NDST3: variants seen among roughly 807,000 people sequenced by gnomAD.
The protein encoded by NDST3 is N-deacetylase and N-sulfotransferase 3, also known as bifunctional heparan sulfate N-deacetylase/N-sulfotransferase 3.
In NDST3, 58 loss-of-function variants were observed where a neutral mutation model predicts 96.1. The observed-to-expected ratio is 0.60, with a 90% CI of 0.49 to 0.75. The LOEUF is 0.75. NDST3 is among the 30% of genes least tolerant of loss of function. The pLI is 0.00. For synonymous variants in NDST3, 333 were observed against 359.7 expected (o/e 0.93, Z 0.84); for missense variants, 788 against 1,034.2 (o/e 0.76, Z 3.27).
At chr4:118,170,745 A>T (rs926918333) in intron 6 of NDST3, among the ~76,000 whole-genome samples, 1 of 141,818 alleles carries the variant, frequency 7.1e-6, no homozygotes, top group Non-Finnish European at 1.5e-5. Flanking sequence ...AGAAACAAAG[A>T]AAAAATAAGT....
intron 4 of NDST3, among the ~76,000 whole-genome samples, chr4:118,123,218 T>A (rs180929602): frequency 1.5e-4 from 22 of 151,710 alleles, no homozygotes; most frequent in South Asian, 6.2e-4. Context: ...TACCAGAGAG[T>A]ATACGGTGGT....
intron 2 of NDST3, among the ~76,000 whole-genome samples, chr4:118,089,511 C>A (rs1223579605): frequency 2.0e-5 from 3 of 151,782 alleles, no homozygotes; most frequent in Admixed American, 2.0e-4. Flanking sequence ...AGTCATCTGA[C>A]CAATTATAAC....
intron 2 of NDST3, among the ~76,000 whole-genome samples, chr4:118,073,431 T>A (rs1192420875): frequency 6.6e-6 from 1 of 152,160 alleles, no homozygotes; most frequent in Admixed American, 6.5e-5. Flanking sequence ...GGTTTCAATT[T>A]CTTCCTGGTT....
chr4:118,089,411 C>G (rs777725672), intron 2 of NDST3, among the ~76,000 whole-genome samples: 7 of 151,832 alleles, frequency 4.6e-5, no homozygotes, highest in Non-Finnish European at 1.0e-4. Context: ...ACTAAAAGGT[C>G]ATTGATTTAC....
At chr4:118,070,417 G>C (rs1726960627) in intron 2 of NDST3, among the ~76,000 whole-genome samples, 1 of 152,016 alleles carries the variant, frequency 6.6e-6, no homozygotes, top group Non-Finnish European at 1.5e-5. Context: ...CTGACTTCTG[G>C]TGAGGCAGAG....
At chr4:118,119,985 T>G (rs1731423598) in intron 4 of NDST3, among the ~76,000 whole-genome samples, 1 of 152,098 alleles carries the variant, frequency 6.6e-6, no homozygotes, top group South Asian at 2.1e-4. Context: ...TAGAAGAGAC[T>G]AGAATCAGTA....
intron 6 of NDST3, among the ~76,000 whole-genome samples, chr4:118,173,220 G>C (rs1169196147): frequency 6.6e-6 from 1 of 151,938 alleles, no homozygotes; most frequent in Non-Finnish European, 1.5e-5. Context: ...AATTCTGTTA[G>C]ATGAGGAAAC....
intron 4 of NDST3, among the ~76,000 whole-genome samples, chr4:118,133,633 G>T (rs6851494): frequency 2.0e-5 from 3 of 152,034 alleles, no homozygotes; most frequent in Non-Finnish European, 4.4e-5. Flanking sequence ...AAATGGTATA[G>T]GGTTCTATTC....
At chr4:118,215,080 T>C (rs11947244) in intron 6 of NDST3, among the ~76,000 whole-genome samples, 22,833 of 152,020 alleles carry the variant, frequency 0.15, 1,840 homozygotes, top group South Asian at 0.2. Context: ...GAGATGGCTA[T>C]GGCACATTCA....
intron 6 of NDST3, among the ~76,000 whole-genome samples, chr4:118,145,695 T>C (rs900445220): frequency 6.6e-6 from 1 of 152,206 alleles, no homozygotes; most frequent in Non-Finnish European, 1.5e-5. Context: ...ATTTTATGTC[T>C]TGAGGAGGAG....
chr4:118,113,737 G>A (rs1730830829), intron 3 of NDST3, among the ~76,000 whole-genome samples: 1 of 152,056 alleles, frequency 6.6e-6, no homozygotes, highest in Admixed American at 6.6e-5. Flanking sequence ...TGAAAATATG[G>A]GAGGAGATTT....
intron 8 of NDST3, among the ~76,000 whole-genome samples, chr4:118,231,443 ATTAT>A (rs1174005710): frequency 6.6e-5 from 10 of 150,556 alleles, no homozygotes; most frequent in Non-Finnish European, 1.5e-4. Context: ...TTATACTACT[ATTAT>A]TTAATTAGTA....
rs77497865 is a variant in NDST3, at chr4:118,090,738, A to C, written c.982-14280A>C. Among the ~76,000 whole-genome samples, 723 of 152,008 alleles carry C rather than the reference A, an allele frequency of 4.8e-3. 7 individuals carry two copies. The highest frequency in any genetic ancestry group is 0.017 in the African/African-American group (693 of 41,540). On this transcript the variant is annotated intron_variant, in intron 2 of 13. Transcript: ENST00000296499. ...AGGAGCTATTTCTTCTTGGATATAT[A>C]TGTCACACATAAGCAATTTTCAAAT...
chr4:118,167,673 A>G (rs924906352), intron 6 of NDST3, among the ~76,000 whole-genome samples: 2 of 152,074 alleles, frequency 1.3e-5, no homozygotes, highest in Non-Finnish European at 2.9e-5. Context: ...TTACAAAGAT[A>G]TAGTAATTAA....
intron 7 of NDST3, among the ~76,000 whole-genome samples, chr4:118,225,109 T>A (rs1739791981): frequency 2.0e-5 from 3 of 152,144 alleles, no homozygotes; most frequent in Non-Finnish European, 4.4e-5. Flanking sequence ...AACCACGAGG[T>A]ACACCAACAG....
chr4:118,071,090 T>C (rs1191294098), intron 2 of NDST3, among the ~76,000 whole-genome samples: 1 of 152,236 alleles, frequency 6.6e-6, no homozygotes, highest in East Asian at 1.9e-4. Flanking sequence ...TTCCATGGTG[T>C]ATATGTGCCA....
intron 4 of NDST3, among the ~76,000 whole-genome samples, chr4:118,133,461 G>A (rs1732810338): frequency 6.6e-6 from 1 of 152,154 alleles, no homozygotes; most frequent in African/African-American, 2.4e-5. Context: ...GGTGGCATTG[G>A]CGATTCAAGA....
chr4:118,103,979 G>A (rs1729966042), intron 2 of NDST3, among the ~76,000 whole-genome samples: 1 of 152,114 alleles, frequency 6.6e-6, no homozygotes, highest in African/African-American at 2.4e-5. Flanking sequence ...ATACAATCAT[G>A]GGGTAGTCAA....
intron 2 of NDST3, among the ~76,000 whole-genome samples, chr4:118,073,179 T>C (rs767068299): frequency 6.6e-6 from 1 of 151,952 alleles, no homozygotes; most frequent in Non-Finnish European, 1.5e-5. Flanking sequence ...ATATTGGCCT[T>C]AAGTTTTCTT....
Sources: gnomAD v4.1 joint callset for allele counts (sites outside exome capture counted in the v4.1 genomes callset) on GRCh38, gnomAD v4.1.1 for gene constraint, MANE v1.5 for transcripts, NCBI Gene and HGNC (gene_info 2026-07-23, HGNC 2026-07-21) for gene names.